Variants in PALM2AKAP2 observed in about 807,000 individuals in gnomAD.
PALM2AKAP2 encodes PALM2-AKAP2 fusion protein.
Under a neutral mutation model 71.5 loss-of-function variants are expected in PALM2AKAP2, and 37 were observed. The ratio of observed to expected loss-of-function variants is 0.52; its 90% CI spans 0.40 to 0.68. The LOEUF (loss-of-function observed/expected upper bound fraction) is 0.68. Ranked by LOEUF, PALM2AKAP2 falls within the 30% of genes least tolerant of loss-of-function variation. The pLI, the probability that PALM2AKAP2 is intolerant of heterozygous loss-of-function variation, is 0.00. For missense variants in PALM2AKAP2, 1,224 were observed against 1,191.8 expected, an observed-to-expected ratio of 1.03 and a Z score of -0.40; for synonymous variants, 468 against 478.8, an observed-to-expected ratio of 0.98 and a Z score of 0.29.
intron 1 of PALM2AKAP2, among the ~76,000 whole-genome samples, chr9:109,796,485 A>G (rs1220111108): frequency 6.6e-6 from 1 of 152,240 alleles, no homozygotes; most frequent in Non-Finnish European, 1.5e-5. Flanking sequence ...GTAATGTTAT[A>G]TAAAAAGTCT....
At chr9:109,812,189 G>A (rs1009069549) in intron 1 of PALM2AKAP2, among the ~76,000 whole-genome samples, 1 of 152,216 alleles carries the variant, frequency 6.6e-6, no homozygotes, top group African/African-American at 2.4e-5. Flanking sequence ...GAATTGGCAG[G>A]AGTTGGGGAC....
intron 6 of PALM2AKAP2, among the ~76,000 whole-genome samples, chr9:109,968,223 A>G (rs937188968): frequency 6.6e-6 from 1 of 152,212 alleles, no homozygotes; most frequent in East Asian, 1.9e-4. Flanking sequence ...AGAGGCCACC[A>G]TGGCCCTGGG....
Position 110,156,311 on chromosome 9 carries a change from T to C in PALM2AKAP2, c.2570-8T>C, listed in dbSNP as rs1836454664. 6.4e-7 allele frequency: 1 copy of C among 1,561,116 alleles called. No individual in the cohort carries two copies. Among genetic ancestry groups the C allele is most frequent in the South Asian group, 1.2e-5 (1 of 83,196 alleles). On this transcript the variant is annotated splice_region_variant and splice_polypyrimidine_tract_variant and intron_variant, in intron 2 of 3. Coordinates refer to ENST00000374525, the Ensembl canonical transcript of PALM2AKAP2. ...CTTAGAAAGGGTATTTTCTTCGTGT[T>C]GTTTCAGGGAAAATAGAGAAAGTCA...
chr9:110,161,638 C>A (rs1836601354), intron 3 of PALM2AKAP2, among the ~76,000 whole-genome samples: 2 of 152,126 alleles, frequency 1.3e-5, no homozygotes, highest in Admixed American at 1.3e-4. Context: ...AAACCAACTG[C>A]TGTGATTAGG....
intron 7 of PALM2AKAP2, among the ~76,000 whole-genome samples, chr9:110,029,956 G>T (rs779496523): frequency 6.6e-6 from 1 of 152,158 alleles, no homozygotes; most frequent in Admixed American, 6.5e-5. Context: ...TATCAGAGAG[G>T]TCTCATAAAT....
intron 3 of PALM2AKAP2, among the ~76,000 whole-genome samples, chr9:109,893,846 G>C (rs1281997091): frequency 6.6e-6 from 1 of 152,144 alleles, no homozygotes; most frequent in Non-Finnish European, 1.5e-5. Context: ...GGGGCTGCGG[G>C]GAGAGAGATC....
chr9:109,739,180 A>T (rs537885573), intron 1 of PALM2AKAP2, among the ~76,000 whole-genome samples: 1 of 152,316 alleles, frequency 6.6e-6, no homozygotes, highest in South Asian at 2.1e-4. Flanking sequence ...AGAGCACCAG[A>T]CTTTGCTGAC....
At chr9:110,056,667 G>GA (rs1231034540) in intron 1 of PALM2AKAP2, among the ~76,000 whole-genome samples, 2 of 152,022 alleles carry the variant, frequency 1.3e-5, no homozygotes, top group African/African-American at 4.8e-5. Context: ...CATTTTGGGG[G>GA]AAAAAATGAA....
intron 1 of PALM2AKAP2, among the ~76,000 whole-genome samples, chr9:109,717,935 T>C (rs1587880339): frequency 6.6e-6 from 1 of 152,154 alleles, no homozygotes; most frequent in Non-Finnish European, 1.5e-5. Context: ...AAAGGAGATA[T>C]GTGGAAAGAG....
intron 7 of PALM2AKAP2, among the ~76,000 whole-genome samples, chr9:110,029,197 T>C (rs1215655324): frequency 6.6e-6 from 1 of 152,204 alleles, no homozygotes; most frequent in Non-Finnish European, 1.5e-5. Flanking sequence ...TTTTTTCTTT[T>C]GAACAACAGC....
At chr9:109,839,555 G>GAAAT (rs968846788) in intron 1 of PALM2AKAP2, among the ~76,000 whole-genome samples, 12 of 152,272 alleles carry the variant, frequency 7.9e-5, no homozygotes, top group African/African-American at 2.4e-4. Flanking sequence ...GCAGGAGAAA[G>GAAAT]AAATAAAGGG....
chr9:109,846,508 C>A (rs1292469980), intron 1 of PALM2AKAP2, among the ~76,000 whole-genome samples: 1 of 152,208 alleles, frequency 6.6e-6, no homozygotes, highest in Non-Finnish European at 1.5e-5. Context: ...GAGAAGGCAC[C>A]AGGCCTACTG....
At chr9:110,136,829 G>A (rs746875370) in exon 2 of PALM2AKAP2, 25 of 1,614,044 alleles carry the variant, frequency 1.5e-5, no homozygotes, top group African/African-American at 9.3e-5. Flanking sequence ...TGAGGATGAC[G>A]AGCATGAGAA....
intron 1 of PALM2AKAP2, among the ~76,000 whole-genome samples, chr9:109,671,703 A>T (rs891297467): frequency 6.6e-6 from 1 of 152,124 alleles, no homozygotes; most frequent in African/African-American, 2.4e-5. Context: ...TATTTTAATG[A>T]TATTGATTCT....
At chr9:109,895,902 A>G (rs1333492196) in intron 3 of PALM2AKAP2, among the ~76,000 whole-genome samples, 1 of 152,070 alleles carries the variant, frequency 6.6e-6, no homozygotes, top group Non-Finnish European at 1.5e-5. Flanking sequence ...ATAAGGGGGG[A>G]AAATCTCCTT....
chr9:110,146,637 G>T (rs1266812033), intron 2 of PALM2AKAP2, among the ~76,000 whole-genome samples: 1 of 152,192 alleles, frequency 6.6e-6, no homozygotes, highest in African/African-American at 2.4e-5. Context: ...TGTCCTCTGT[G>T]ACTGCTGGGG....
intron 2 of PALM2AKAP2, among the ~76,000 whole-genome samples, chr9:110,144,858 A>T (rs1836125155): frequency 6.6e-6 from 1 of 152,154 alleles, no homozygotes; most frequent in Non-Finnish European, 1.5e-5. Context: ...ATTCTTTTTC[A>T]AAGAATTACT....
In PALM2AKAP2 at chr9:110,143,411, CAAAAAAAAA is replaced by C. The variant is rs10638600; in HGVS notation, c.2569+4885_2569+4893del. Among the ~76,000 whole-genome samples, 3 of 69,092 alleles carry C rather than the reference CAAAAAAAAA, an allele frequency of 4.3e-5. No homozygotes were observed. The South Asian group carries it at 1.7e-3, about 38-fold the overall frequency. 45.3% of individuals were successfully genotyped at this position (69,092 alleles called of 152,430 possible). ...TACTCCAGGCTGGGCAGCAAAGTGCCAAAAAAAAAAAAAAAAAAAAAGGAGAGAGAGAGA... is the reference window on the plus strand; with the variant it reads ...TACTCCAGGCTGGGCAGCAAAGTGCCAAAAAAAAAAAAGGAGAGAGAGAGA... On this transcript the variant is annotated intron_variant, in intron 2 of 3. Coordinates refer to ENST00000374525, the Ensembl canonical transcript of PALM2AKAP2.
chr9:109,970,074 T>A (rs529194653), intron 6 of PALM2AKAP2, among the ~76,000 whole-genome samples: 1 of 152,296 alleles, frequency 6.6e-6, no homozygotes, highest in Non-Finnish European at 1.5e-5. Flanking sequence ...AGGGATGCAG[T>A]CTATCCAGCC....
Sources: allele counts gnomAD v4.1 joint callset (sites outside exome capture counted in the v4.1 genomes callset), GRCh38; gene constraint gnomAD v4.1.1; transcripts MANE v1.5; gene names NCBI Gene and HGNC (gene_info 2026-07-23, HGNC 2026-07-21).